Variants in SEC11A observed in about 807,000 individuals in gnomAD.
The protein encoded by SEC11A is SEC11 homolog A, signal peptidase complex subunit, also known as signal peptidase complex catalytic subunit SEC11A.
SEC11A carries 14 observed loss-of-function variants against 25.6 expected under a neutral mutation model. The observed-to-expected ratio is 0.55, with a 90% CI of 0.36 to 0.85. The LOEUF (loss-of-function observed/expected upper bound fraction) is 0.85. Ranked by LOEUF, SEC11A falls within the 40% of genes least tolerant of loss-of-function variation. The pLI, the probability that SEC11A is intolerant of heterozygous loss-of-function variation, is 0.01. For synonymous variants in SEC11A, 83 were observed against 76.4 expected (o/e 1.09, Z -0.45); for missense variants, 153 against 222.9 (o/e 0.69, Z 2.00).
intron 1 of SEC11A, among the ~76,000 whole-genome samples, chr15:84,705,792 T>C (rs1048322290): frequency 6.6e-6 from 1 of 151,298 alleles, no homozygotes; most frequent in African/African-American, 2.4e-5. Flanking sequence ...GAGGCAGAAG[T>C]TGCAGTGAGC....
chr15:84,684,285 G>A (rs1017278941), intron 3 of SEC11A, among the ~76,000 whole-genome samples: 54 of 152,150 alleles, frequency 3.5e-4, no homozygotes, highest in African/African-American at 1.3e-3. Flanking sequence ...GTACCCAGTG[G>A]GAGGTAATTG....
At chr15:84,695,556 A>G (rs1438665755) in intron 1 of SEC11A, among the ~76,000 whole-genome samples, 1 of 152,080 alleles carries the variant, frequency 6.6e-6, no homozygotes, top group African/African-American at 2.4e-5. Context: ...ACTTGAACCC[A>G]GGACGTAAAG....
chr15:84,678,669 C>T (rs1400123131), intron 4 of SEC11A, among the ~76,000 whole-genome samples: 1 of 152,126 alleles, frequency 6.6e-6, no homozygotes, highest in Admixed American at 6.5e-5. Flanking sequence ...TCCTTTCACA[C>T]ACAAAATGCG....
chr15:84,680,920 TG>T (rs1897269073), intron 3 of SEC11A, 88 bp from the exon 4 acceptor site: 2 of 1,184,600 alleles, frequency 1.7e-6, no homozygotes, highest in Admixed American at 2.2e-5. Flanking sequence ...AACATGTTTG[TG>T]GCACTGGGGT....
chr15:84,676,610 T>C (rs1470239343), intron 4 of SEC11A, among the ~76,000 whole-genome samples: 1 of 149,676 alleles, frequency 6.7e-6, no homozygotes, highest in East Asian at 2.0e-4. Flanking sequence ...CTGTTTCTAC[T>C]GAAAATACAA....
chr15:84,691,729 C>A, intron 1 of SEC11A, 85 bp from the exon 2 acceptor site: 1 of 739,296 alleles, frequency 1.4e-6, no homozygotes, highest in Non-Finnish European at 2.4e-6. Flanking sequence ...TTGAAAGTTT[C>A]AAGCAGTACT....
chr15:84,715,274 T>A (rs920176137), intron 1 of SEC11A, among the ~76,000 whole-genome samples: 19 of 152,108 alleles, frequency 1.2e-4, no homozygotes, highest in African/African-American at 4.1e-4. Flanking sequence ...GCGCAAAAGA[T>A]AAAACAGAAC....
At chr15:84,705,451 C>A (rs1567043456) in intron 1 of SEC11A, among the ~76,000 whole-genome samples, 1 of 152,084 alleles carries the variant, frequency 6.6e-6, no homozygotes, top group Non-Finnish European at 1.5e-5. Context: ...AACTGACAAC[C>A]AACATTTGGT....
chr15:84,679,730 A>T (rs1255311651), intron 4 of SEC11A, among the ~76,000 whole-genome samples: 1 of 152,248 alleles, frequency 6.6e-6, no homozygotes, highest in South Asian at 2.1e-4. Flanking sequence ...TCTTAGATAC[A>T]TAACCTAACT....
chr15:84,695,455 C>A (rs1897739219), intron 1 of SEC11A, among the ~76,000 whole-genome samples: 1 of 150,876 alleles, frequency 6.6e-6, no homozygotes, highest in South Asian at 2.1e-4. Flanking sequence ...AAGGGCGAAA[C>A]TCCGTCTCAA....
chr15:84,716,123 CA>C lies in SEC11A; in HGVS notation c.-49del, dbSNP rs746524105. Reference sequence around the variant, plus strand: ...CCGGCAGGGGAAAGGGCGCGATGACCAGCGGGCGGAACTACTGGAGCTCGGG... The same window carrying C: ...CCGGCAGGGGAAAGGGCGCGATGACCGCGGGCGGAACTACTGGAGCTCGGG... On this transcript the variant is annotated 5_prime_UTR_variant, in exon 1 of 6. Coordinates refer to ENST00000268220, the MANE Select transcript of SEC11A (RefSeq NM_014300.4). 40 of 1,587,514 alleles carry C rather than the reference CA, an allele frequency of 2.5e-5. No individual in the cohort carries two copies. In the East Asian group the frequency reaches 8.5e-4, roughly 34 times the overall value.
intron 5 of SEC11A, chr15:84,670,430 G>A: frequency 3.7e-6 from 1 of 269,636 alleles, no homozygotes; most frequent in South Asian, 5.4e-5. Flanking sequence ...GTAAAGACAG[G>A]GTTTTGTCAT....
At chr15:84,670,252 A>G in intron 5 of SEC11A, 183 bp from the exon 6 acceptor site, 1 of 495,514 alleles carries the variant, frequency 2.0e-6, no homozygotes, top group Non-Finnish European at 3.4e-6. Flanking sequence ...TTCTTTAAAT[A>G]ATTTTCTTTT....
chr15:84,695,063 C>T (rs1430811613), intron 1 of SEC11A, among the ~76,000 whole-genome samples: 1 of 133,692 alleles, frequency 7.5e-6, no homozygotes, highest in Non-Finnish European at 1.5e-5. Context: ...GCATTCCAGC[C>T]TGGGCGACAC....
At chr15:84,699,335 AC>A (rs1382371512) in intron 1 of SEC11A, among the ~76,000 whole-genome samples, 3 of 147,928 alleles carry the variant, frequency 2.0e-5, no homozygotes, top group Non-Finnish European at 4.5e-5. Context: ...AAAAAAAAAA[AC>A]CAGGAAACAA....
At chr15:84,693,716 G>A (rs1048095974) in intron 1 of SEC11A, among the ~76,000 whole-genome samples, 2 of 151,962 alleles carry the variant, frequency 1.3e-5, no homozygotes, top group Non-Finnish European at 2.9e-5. Flanking sequence ...CCGCCTTGAC[G>A]TCCCAAAGTG....
intron 3 of SEC11A, among the ~76,000 whole-genome samples, chr15:84,683,650 G>A (rs993211000): frequency 6.6e-5 from 10 of 151,668 alleles, no homozygotes; most frequent in Admixed American, 3.3e-4. Flanking sequence ...TCAGCCTCCC[G>A]AGCAGCTGGG....
At chr15:84,679,960 CTGA>C (rs1395293870) in intron 4 of SEC11A, 17 of 1,528,714 alleles carry the variant, frequency 1.1e-5, no homozygotes, top group Non-Finnish European at 1.5e-5. Flanking sequence ...AACTGTTCTC[CTGA>C]TAAAATCTGA....
chr15:84,714,018 CTTTT>C (rs34873142), intron 1 of SEC11A, among the ~76,000 whole-genome samples: 3 of 100,426 alleles, frequency 3.0e-5, no homozygotes, highest in South Asian at 3.2e-4. Context: ...CATATACCTT[CTTTT>C]TTTTTTTTTT....
Sources: gnomAD v4.1 joint callset for allele counts (sites outside exome capture counted in the v4.1 genomes callset) on GRCh38, gnomAD v4.1.1 for gene constraint, MANE v1.5 for transcripts, NCBI Gene and HGNC (gene_info 2026-07-23, HGNC 2026-07-21) for gene names.